Variants in DYNLL1 observed in about 807,000 individuals in gnomAD.
DYNLL1 encodes dynein light chain LC8-type 1, also known as dynein light chain 1, cytoplasmic.
A neutral mutation model predicts 10.1 loss-of-function variants in DYNLL1; 3 were observed. The ratio of observed to expected loss-of-function variants is 0.30; its 90% CI spans 0.14 to 0.77. The LOEUF (loss-of-function observed/expected upper bound fraction) is 0.77. Among genes scored for constraint, DYNLL1 ranks in the 30% least tolerant of loss-of-function variants. The pLI is 0.66. For missense variants in DYNLL1, 47 were observed against 111.7 expected, an observed-to-expected ratio of 0.42 and a Z score of 2.61; for synonymous variants, 46 against 41.2, an observed-to-expected ratio of 1.12 and a Z score of -0.45.
At chr12:120,475,402 A>G (rs1255349774) in intron 1 of DYNLL1, among the ~76,000 whole-genome samples, 1 of 152,228 alleles carries the variant, frequency 6.6e-6, no homozygotes, top group Non-Finnish European at 1.5e-5. Flanking sequence ...TTCTGGGATC[A>G]GTGAACTCCT....
At chr12:120,475,946 A>C (rs1363469716) in intron 1 of DYNLL1, among the ~76,000 whole-genome samples, 5 of 152,234 alleles carry the variant, frequency 3.3e-5, no homozygotes, top group African/African-American at 1.2e-4. Flanking sequence ...CAAAATGGCA[A>C]ATGAGCTCAT....
In DYNLL1 at chr12:120,496,217, G is replaced by A; in HGVS notation, c.-7+1G>A. The A allele has an allele frequency of 1.4e-6, 1 of 734,604 alleles. No homozygotes were observed. The highest frequency in any genetic ancestry group is 1.9e-5 in the South Asian group (1 of 53,924). 45.5% of individuals were successfully genotyped at this position (734,604 alleles called of 1,614,324 possible). ...CAGTCGGCCAGCCCCCTTCTCCACG[G>A]TGAGAAACTCGGGGGGCCAGGGGGT... On this transcript the variant is annotated splice_donor_variant, in intron 1 of 2. Transcript: ENST00000242577. LOFTEE classifies it low-confidence loss of function (5UTR_SPLICE).
intron 1 of DYNLL1, among the ~76,000 whole-genome samples, chr12:120,490,122 C>T (rs1167152256): frequency 6.6e-6 from 1 of 152,170 alleles, no homozygotes; most frequent in Non-Finnish European, 1.5e-5. Flanking sequence ...TATTCTCCTG[C>T]TATAAGTTCC....
intron 1 of DYNLL1, among the ~76,000 whole-genome samples, chr12:120,471,003 C>G (rs551291439): frequency 6.6e-6 from 1 of 151,930 alleles, no homozygotes; most frequent in Non-Finnish European, 1.5e-5. Flanking sequence ...CGAGATCATG[C>G]CACTGCACTT....
chr12:120,471,192 GC>G (rs1363827915), intron 1 of DYNLL1, among the ~76,000 whole-genome samples: 3 of 146,770 alleles, frequency 2.0e-5, no homozygotes, highest in Non-Finnish European at 4.5e-5. Flanking sequence ...GGCAAGACCC[GC>G]CCCCCTACTA....
intron 1 of DYNLL1, among the ~76,000 whole-genome samples, chr12:120,489,264 A>T (rs1348521088): frequency 6.6e-6 from 1 of 152,122 alleles, no homozygotes; most frequent in Non-Finnish European, 1.5e-5. Flanking sequence ...GAACTCATAT[A>T]TCCAACTGCA....
chr12:120,473,452 G>A (rs1056261373), intron 1 of DYNLL1, among the ~76,000 whole-genome samples: 1 of 151,720 alleles, frequency 6.6e-6, no homozygotes, highest in African/African-American at 2.4e-5. Flanking sequence ...CCAGCACTTT[G>A]GGGAGGTCAA....
intron 1 of DYNLL1, among the ~76,000 whole-genome samples, chr12:120,483,982 CAT>C (rs1878939547): frequency 6.6e-6 from 1 of 151,896 alleles, no homozygotes; most frequent in East Asian, 1.9e-4. Context: ...TGTTTAGCAG[CAT>C]GGTGGTCACC....
chr12:120,479,196 T>TCA (rs1361626964), intron 1 of DYNLL1, among the ~76,000 whole-genome samples: 1 of 133,536 alleles, frequency 7.5e-6, no homozygotes, highest in Middle Eastern at 3.6e-3. Flanking sequence ...GCGCGGTGGC[T>TCA]CACGCCTGTA....
rs1343637800 is a variant in DYNLL1 at position 120,496,330 on chromosome 12, C to T, written c.-6-86C>T. ...AGAAGTGGGGTGGGGGGCGTCGTCC[C>T]GTGGTGGCGCCGGCCGGGGTGGGGG... On this transcript the variant is annotated intron_variant, in intron 1 of 2. Coordinates refer to ENST00000242577, the MANE Select transcript of DYNLL1 (RefSeq NM_003746.3). 7.9e-5 allele frequency: 124 copies of T among 1,565,746 alleles called. 1 individual carries two copies. Among genetic ancestry groups the T allele is most frequent in the South Asian group, 2.0e-4 (17 of 86,026 alleles).
At chr12:120,474,084 GA>G (rs1391180590) in intron 1 of DYNLL1, among the ~76,000 whole-genome samples, 1 of 151,930 alleles carries the variant, frequency 6.6e-6, no homozygotes, top group Non-Finnish European at 1.5e-5. Context: ...GAAGAAGAGA[GA>G]AGGAGCTGAG....
intron 1 of DYNLL1, among the ~76,000 whole-genome samples, chr12:120,476,681 G>A (rs1278130185): frequency 1.3e-5 from 2 of 151,950 alleles, no homozygotes; most frequent in African/African-American, 2.4e-5. Flanking sequence ...GTGCGATCTC[G>A]GCTCACTGCA....
At chr12:120,493,538 A>G (rs1879187316), upstream of DYNLL1, among the ~76,000 whole-genome samples, 1 of 151,764 alleles carries the variant, frequency 6.6e-6, no homozygotes. Flanking sequence ...TAAAAAGTAT[A>G]CTTATTTAAA....
chr12:120,493,016 G>A (rs1245143720), upstream of DYNLL1, among the ~76,000 whole-genome samples: 1 of 152,078 alleles, frequency 6.6e-6, no homozygotes, highest in African/African-American at 2.4e-5. Context: ...ATTCCAGAGG[G>A]CTTGGAAAAC....
intron 2 of DYNLL1, 185 bp downstream of exon 2, chr12:120,496,738 G>GA: frequency 1.3e-6 from 1 of 762,962 alleles, no homozygotes; most frequent in Non-Finnish European, 1.9e-6. Flanking sequence ...CCCGGCGTCC[G>GA]AAGTTTTTTT....
chr12:120,479,458 A>AT (rs1565920883), intron 1 of DYNLL1, among the ~76,000 whole-genome samples: 20 of 131,118 alleles, frequency 1.5e-4, no homozygotes, highest in Middle Eastern at 3.7e-3. Flanking sequence ...CCAAAAAAAA[A>AT]AAAAAAAAAA....
chr12:120,493,226 T>C (rs1397965538), upstream of DYNLL1, among the ~76,000 whole-genome samples: 5 of 152,192 alleles, frequency 3.3e-5, no homozygotes, highest in Admixed American at 3.3e-4. Flanking sequence ...GGTAATGATA[T>C]AAATTTGTCT....
At chr12:120,492,428 G>A (rs1879155340), upstream of DYNLL1, among the ~76,000 whole-genome samples, 1 of 152,140 alleles carries the variant, frequency 6.6e-6, no homozygotes, top group Admixed American at 6.6e-5. This position sits in a 1 kb window ranked among gnomAD's most constrained non-coding sequence, Gnocchi z 4.1. Context: ...TTAGCCAGGT[G>A]TAGTGGCAAA....
chr12:120,484,367 G>A (rs1237380627), intron 1 of DYNLL1, among the ~76,000 whole-genome samples: 1 of 151,816 alleles, frequency 6.6e-6, no homozygotes, highest in Non-Finnish European at 1.5e-5. Flanking sequence ...GTGGGGACAG[G>A]TGGTGGAAAT....
Sources: gnomAD v4.1 joint callset for allele counts (sites outside exome capture counted in the v4.1 genomes callset) on GRCh38, gnomAD v4.1.1 for gene constraint, Gnocchi (gnomAD v3.1) non-coding constraint, MANE v1.5 for transcripts, NCBI Gene and HGNC (gene_info 2026-07-23, HGNC 2026-07-21) for gene names.